ZNF841: variants seen among roughly 807,000 people sequenced by gnomAD.
ZNF841 encodes zinc finger protein 841, also known as TCONS_00006091.
In ZNF841, 11 loss-of-function variants were observed where a neutral mutation model predicts 13.0. That is an observed-to-expected ratio of 0.85 (90% CI 0.53 to 1.40). The LOEUF is 1.40. Among genes scored for constraint, ZNF841 ranks in the 40% most tolerant of loss-of-function variants. The pLI, the probability that ZNF841 is intolerant of heterozygous loss-of-function variation, is 0.00. For missense variants in ZNF841, 1,068 were observed against 1,139.5 expected, an observed-to-expected ratio of 0.94 and a Z score of 0.90; for synonymous variants, 369 against 381.6, an observed-to-expected ratio of 0.97 and a Z score of 0.38.
intron 4 of ZNF841, among the ~76,000 whole-genome samples, chr19:52,079,835 T>C (rs1327115945): frequency 6.6e-6 from 1 of 151,732 alleles, no homozygotes; most frequent in East Asian, 1.9e-4. Flanking sequence ...CTACTAAAAA[T>C]ACAAAATTAG....
chr19:52,067,625 G>T lies in ZNF841; in HGVS notation c.272-15C>A. On this transcript the variant is annotated splice_polypyrimidine_tract_variant and intron_variant, in intron 6 of 6. Coordinates refer to ENST00000594440, the MANE Select transcript of ZNF841 (RefSeq NM_001136499.2). ...AGGAGAGATACCTGCAAAATATAAT[G>T]AACATGGGGTTTTAAAATAACTATT... 3 of 1,437,488 alleles carry T rather than the reference G, an allele frequency of 2.1e-6. No homozygotes were observed. The highest frequency in any genetic ancestry group is 3.3e-5 in the South Asian group (2 of 61,286). The allele number at this position is 1,437,488 out of a possible 1,614,324, so 89.0% of individuals were successfully genotyped here.
chr19:52,059,390 T>TATATAC, the ZNF841 span, among the ~76,000 whole-genome samples: 348 of 96,272 alleles, frequency 3.6e-3, 3 homozygotes, highest in African/African-American at 8.2e-3. Context: ...TATATATATA[T>TATATAC]ACACACACAC....
intron 3 of ZNF841, among the ~76,000 whole-genome samples, chr19:52,087,878 C>G (rs1164973873): frequency 6.6e-6 from 1 of 151,866 alleles, no homozygotes; most frequent in African/African-American, 2.4e-5. Context: ...GACCCCACCC[C>G]CGAATACTGG....
chr19:52,079,990 T>G (rs2088043520), intron 4 of ZNF841, among the ~76,000 whole-genome samples: 1 of 117,184 alleles, frequency 8.5e-6, no homozygotes, highest in African/African-American at 3.2e-5. Context: ...AAACTCCATC[T>G]CAGGGAAAAA....
intron 4 of ZNF841, among the ~76,000 whole-genome samples, chr19:52,083,425 T>TA (rs57008818): frequency 0.013 from 1,760 of 139,588 alleles, 11 homozygotes; most frequent in Middle Eastern, 0.068. Context: ...TCCCACTCTT[T>TA]AAAAAAAAAA....
Position 52,066,376 on chromosome 19 carries a change from C to A in ZNF841, c.1506G>T (p.Val502=). 1 of 1,613,250 alleles carries A rather than the reference C, an allele frequency of 6.2e-7. No individual in the cohort carries two copies. The highest frequency in any genetic ancestry group is 1.1e-5 in the South Asian group (1 of 91,038). Residue 502 remains valine, a synonymous_variant, in exon 7 of 7, where the codon GTG becomes GTT. Coordinates refer to ENST00000594440, the MANE Select transcript of ZNF841 (RefSeq NM_001136499.2). ...TCTCTCCAGTATGAACTCTCTGATG[C>A]ACTGCAAGATGTGAATGTTGACTGA... The part of the protein sequence containing the change: ...KVFSQHSHLA[V]HQRVHTGEKP...
At chr19:52,059,390 T>TATATATATATACACAC in the ZNF841 span, among the ~76,000 whole-genome samples, 2 of 96,360 alleles carry the variant, frequency 2.1e-5, no homozygotes, top group African/African-American at 8.3e-5. Context: ...TATATATATA[T>TATATATATATACACAC]ACACACACAC....
At chr19:52,084,909 T>G (rs541426138) in intron 3 of ZNF841, 31 bp from the exon 4 acceptor site, 1 of 1,220,542 alleles carries the variant, frequency 8.2e-7, no homozygotes, top group Admixed American at 2.4e-5. Flanking sequence ...GTTTAATCCT[T>G]GGAAACAACA....
At chr19:52,059,370 A>AAAAATATAT in the ZNF841 span, among the ~76,000 whole-genome samples, 3 of 69,648 alleles carry the variant, frequency 4.3e-5, no homozygotes, top group African/African-American at 8.2e-5. Flanking sequence ...AAAAAAAAAA[A>AAAAATATAT]ATATATATAT....
intron 4 of ZNF841, 30 bp from the exon 5 acceptor site, chr19:52,077,114 C>T (rs1449902489): frequency 6.3e-7 from 1 of 1,588,110 alleles, no homozygotes; most frequent in African/African-American, 1.4e-5. Context: ...TCAATATGAG[C>T]AGTGGGTGAG....
At chr19:52,093,489 A>C (rs1250893450) in intron 2 of ZNF841, among the ~76,000 whole-genome samples, 1 of 152,220 alleles carries the variant, frequency 6.6e-6, no homozygotes, top group Non-Finnish European at 1.5e-5. Context: ...TGTTGGTTAA[A>C]GGGTACAAAT....
downstream of ZNF841, among the ~76,000 whole-genome samples, chr19:52,061,299 A>G (rs896866752): frequency 6.6e-6 from 1 of 152,096 alleles, no homozygotes; most frequent in African/African-American, 2.4e-5. Context: ...TTTTTGCACT[A>G]TTGTCTGCCC....
At chr19:52,091,740 A>G (rs747743287) in intron 2 of ZNF841, among the ~76,000 whole-genome samples, 8 of 151,948 alleles carry the variant, frequency 5.3e-5, no homozygotes, top group Non-Finnish European at 8.8e-5. Context: ...AACCCCAGAA[A>G]ATAGAAAAAA....
At chr19:52,077,575 A>G (rs1161602522) in intron 4 of ZNF841, among the ~76,000 whole-genome samples, 1 of 152,236 alleles carries the variant, frequency 6.6e-6, no homozygotes, top group Non-Finnish European at 1.5e-5. Flanking sequence ...ATAATCACCT[A>G]TGACAGAAAT....
Position 52,065,549 on chromosome 19 carries a change from G to A in ZNF841, c.2333C>T (p.Ser778Leu), listed in dbSNP as rs1174620612. The A allele has an allele frequency of 1.2e-6, 2 of 1,613,968 alleles. No homozygotes were observed. The highest frequency in any genetic ancestry group is 2.7e-5 in the African/African-American group (2 of 74,926). ...AATACTCCAATGACGTGCGAGGCCT[G>A]AGCGATAACGGAAGACCTTGCCACA... ...NECGKVFRYR[S>L]GLARHWSIHT... The change falls in exon 7 of 7, where the codon TCA becomes TTA. Residue 778 changes from serine (S) to leucine (L), a missense_variant. Physicochemically the swap from Ser to Leu is moderately radical, Grantham distance 145. Transcript: ENST00000594440.
At chr19:52,075,915 C>T (rs1003552116) in intron 6 of ZNF841, 129 bp downstream of exon 6, 9 of 1,293,646 alleles carry the variant, frequency 7.0e-6, no homozygotes, top group Middle Eastern at 2.8e-4. Flanking sequence ...AAGTGATAAG[C>T]AGGAAAGAAG....
rs184425483 is a variant in ZNF841, at chr19:52,068,140, T to G, written c.272-530A>C. On this transcript the variant is annotated intron_variant, in intron 6 of 6. Coordinates refer to ENST00000594440, the MANE Select transcript of ZNF841 (RefSeq NM_001136499.2). The stretch of plus-strand genomic sequence containing the variant: ...ACAACCACAAAATACAAATCTATAG[T>G]ATGAAATTCTAAACAATTCTCCATC... 1.5e-3 allele frequency among the ~76,000 whole-genome samples: 235 copies of G among 152,222 alleles called. 1 individual carries two copies. Among genetic ancestry groups the G allele is most frequent in the African/African-American group, 4.2e-3 (176 of 41,554 alleles).
At chr19:52,086,555 T>C (rs2088281537) in intron 3 of ZNF841, among the ~76,000 whole-genome samples, 1 of 152,198 alleles carries the variant, frequency 6.6e-6, no homozygotes, top group Admixed American at 6.5e-5. Flanking sequence ...CAGTCTCCAG[T>C]ATTTCATTAT....
rs1172184385 is a variant in ZNF841 at position 52,064,660 on chromosome 19, G to A, written c.*447C>T. 6.5e-6 allele frequency: 1 copy of A among 155,030 alleles called. No individual in the cohort carries two copies. Among genetic ancestry groups the A allele is most frequent in the Non-Finnish European group, 1.4e-5 (1 of 69,154 alleles). 9.6% of individuals were successfully genotyped at this position (155,030 alleles called of 1,614,324 possible). A position where few individuals can be genotyped will look rare whatever the true frequency, so the allele number is the denominator to read the frequency against. ...TTCGTGCGTGCGTGTGCGTGATGGA[G>A]TCTCACTCTGTCACCCAGGCTAGAG... On this transcript the variant is annotated 3_prime_UTR_variant, in exon 7 of 7. Transcript: ENST00000594440.
Sources: gnomAD v4.1 joint callset for allele counts (sites outside exome capture counted in the v4.1 genomes callset) on GRCh38, gnomAD v4.1.1 for gene constraint, MANE v1.5 for transcripts, NCBI Gene and HGNC (gene_info 2026-07-23, HGNC 2026-07-21) for gene names.